AFF1: variants seen among roughly 807,000 people sequenced by gnomAD.
AFF1 encodes the protein AF4/FMR2 family member 1.
Under a neutral mutation model 121.7 loss-of-function variants are expected in AFF1, and 48 were observed. The ratio of observed to expected loss-of-function variants is 0.39; its 90% CI spans 0.31 to 0.50. The LOEUF (loss-of-function observed/expected upper bound fraction) is 0.50. Ranked by LOEUF, AFF1 falls within the 20% of genes least tolerant of loss-of-function variation. The probability of loss-of-function intolerance (pLI) is 0.76; values close to 1 mark genes in which losing one functional copy is unlikely to be tolerated. For missense variants in AFF1, 1,523 were observed against 1,511.7 expected (o/e 1.01, Z -0.12); for synonymous variants, 613 against 563.0 (o/e 1.09, Z -1.26).
chr4:87,064,675 T>A (rs2149661880), intron 4 of AFF1, among the ~76,000 whole-genome samples: 1 of 152,170 alleles, frequency 6.6e-6, no homozygotes, highest in African/African-American at 2.4e-5. Flanking sequence ...GGTCAGGAAT[T>A]CGAGACCAGC....
At chr4:87,006,852 C>T (rs373216215) in intron 2 of AFF1, 14 of 628,102 alleles carry the variant, frequency 2.2e-5, no homozygotes, top group Admixed American at 1.2e-4. Context: ...CCTACCCGAC[C>T]CTGCCTGCCG....
At chr4:87,132,725 C>G (rs1426172328) in intron 19 of AFF1, among the ~76,000 whole-genome samples, 2 of 152,176 alleles carry the variant, frequency 1.3e-5, no homozygotes, top group African/African-American at 2.4e-5. Context: ...GAGTCTTGCT[C>G]TGTCTCCCAG....
intron 13 of AFF1, 119 bp from the exon 14 acceptor site, chr4:87,125,980 C>A: frequency 9.7e-7 from 1 of 1,031,562 alleles, no homozygotes; most frequent in South Asian, 1.5e-5. Flanking sequence ...CCTGTTTACA[C>A]AGTTTCATGC....
intron 2 of AFF1, among the ~76,000 whole-genome samples, chr4:86,973,498 AAAGG>A (rs947768253): frequency 2.0e-5 from 3 of 152,176 alleles, no homozygotes; most frequent in Admixed American, 2.0e-4. Context: ...GGTAGAGAAA[AAAGG>A]AAGTATGTAG....
chr4:87,116,414 A>G (rs916733063), intron 12 of AFF1, among the ~76,000 whole-genome samples: 3 of 152,176 alleles, frequency 2.0e-5, no homozygotes, highest in African/African-American at 4.8e-5. Context: ...AGCATTCCCA[A>G]GCCAACTTGC....
intron 12 of AFF1, among the ~76,000 whole-genome samples, chr4:87,117,897 C>T (rs1234978190): frequency 1.3e-5 from 2 of 152,192 alleles, no homozygotes; most frequent in African/African-American, 4.8e-5. Flanking sequence ...CTCTCTGCCT[C>T]TGGCCCTGTG....
At chr4:87,020,550 T>C (rs1163847362) in intron 2 of AFF1, among the ~76,000 whole-genome samples, 1 of 152,188 alleles carries the variant, frequency 6.6e-6, no homozygotes, top group Non-Finnish European at 1.5e-5. Flanking sequence ...AGTGGCGCAA[T>C]TTCGGCTCAC....
intron 19 of AFF1, among the ~76,000 whole-genome samples, chr4:87,133,874 GATGCAT>G: frequency 6.6e-6 from 1 of 152,218 alleles, no homozygotes; most frequent in Admixed American, 6.5e-5. Context: ...AGAGTCTTCT[GATGCAT>G]GATACTTAAT....
chr4:87,077,678 A>G (rs1419610479), intron 4 of AFF1, among the ~76,000 whole-genome samples: 9 of 152,098 alleles, frequency 5.9e-5, no homozygotes, highest in Admixed American at 5.2e-4. Context: ...GCAACTCCAT[A>G]TATATGTTTT....
intron 2 of AFF1, among the ~76,000 whole-genome samples, chr4:87,005,563 G>A (rs868854607): frequency 5.0e-4 from 76 of 152,238 alleles, no homozygotes; most frequent in African/African-American, 1.8e-3. Flanking sequence ...TACAGTTTGT[G>A]AATTGTTCTT....
intron 2 of AFF1, among the ~76,000 whole-genome samples, chr4:86,996,769 C>T (rs1162616265): frequency 7.2e-5 from 11 of 152,232 alleles, no homozygotes. Flanking sequence ...TATGTTGAAA[C>T]TTAAACCCGA....
chr4:87,037,165 AG>A (rs1325701583), intron 2 of AFF1, among the ~76,000 whole-genome samples: 1 of 152,202 alleles, frequency 6.6e-6, no homozygotes, highest in African/African-American at 2.4e-5. Context: ...ATAGTATATG[AG>A]GCTCTTTTAG....
intron 6 of AFF1, 78 bp downstream of exon 6, chr4:87,090,148 A>ACC: frequency 8.5e-7 from 1 of 1,174,414 alleles, no homozygotes; most frequent in Non-Finnish European, 1.3e-6. Flanking sequence ...GCAGATTGAT[A>ACC]AAGTATTACT....
chr4:86,992,687 C>T (rs777821320), intron 2 of AFF1, among the ~76,000 whole-genome samples: 4 of 152,156 alleles, frequency 2.6e-5, no homozygotes, highest in Non-Finnish European at 4.4e-5. Flanking sequence ...CAAGGGAAGA[C>T]CCCTCCTTTC....
chr4:87,084,439 A>T (rs1723492247), intron 5 of AFF1, among the ~76,000 whole-genome samples: 1 of 152,006 alleles, frequency 6.6e-6, no homozygotes, highest in African/African-American at 2.4e-5. Context: ...GCTACTCAGG[A>T]GGCTGAGTCA....
Position 86,950,835 on chromosome 4 carries a change from T to TA in AFF1, c.38+2265dup, listed in dbSNP as rs1721253134. Among the ~76,000 whole-genome samples the TA allele has an allele frequency of 2.0e-5, 3 of 152,366 alleles. No homozygotes were observed. The South Asian group carries it at 6.2e-4, about 32-fold the overall frequency. On this transcript the variant is annotated intron_variant, in intron 2 of 20. Coordinates refer to ENST00000395146, the MANE Select transcript of AFF1 (RefSeq NM_001166693.3). ...TTATTCATAATGTTGGGTTTACACA[T>TA]ACGTTTTACATTTTTATGTAGTTAA...
At chr4:87,013,778 A>G (rs1727038110) in intron 2 of AFF1, among the ~76,000 whole-genome samples, 1 of 151,896 alleles carries the variant, frequency 6.6e-6, no homozygotes, top group South Asian at 2.1e-4. Context: ...AGGGTTCTCA[A>G]ACTTGATTAG....
intron 2 of AFF1, among the ~76,000 whole-genome samples, chr4:87,022,434 C>T (rs77017971): frequency 0.045 from 6,743 of 150,338 alleles, 492 homozygotes; most frequent in African/African-American, 0.16. Context: ...AAAGCTTTAC[C>T]CATTCATATT....
At chr4:86,981,250 G>A (rs1311168147) in intron 2 of AFF1, among the ~76,000 whole-genome samples, 1 of 152,092 alleles carries the variant, frequency 6.6e-6, no homozygotes, top group Non-Finnish European at 1.5e-5. Flanking sequence ...CTGACCTCGT[G>A]ATCTGCCTGC....
Sources: gnomAD v4.1 joint callset for allele counts (sites outside exome capture counted in the v4.1 genomes callset) on GRCh38, gnomAD v4.1.1 for gene constraint, MANE v1.5 for transcripts, NCBI Gene and HGNC (gene_info 2026-07-23, HGNC 2026-07-21) for gene names.